The following PTPRM variants were observed in gnomAD, a reference collection of about 807,000 sequenced individuals.
PTPRM encodes receptor-type tyrosine-protein phosphatase mu.
Under a neutral mutation model 186.7 loss-of-function variants are expected in PTPRM, and 47 were observed. That is an observed-to-expected ratio of 0.25 (90% CI 0.20 to 0.32). PTPRM has a LOEUF of 0.32. PTPRM is among the 10% of genes least tolerant of loss of function. The pLI, the probability that PTPRM is intolerant of heterozygous loss-of-function variation, is 1.00. For synonymous variants in PTPRM, 668 were observed against 674.9 expected (o/e 0.99, Z 0.16); for missense variants, 1,494 against 1,865.0 (o/e 0.80, Z 3.66).
At chr18:7,676,123 C>T (rs2144527112) in intron 1 of PTPRM, among the ~76,000 whole-genome samples, 1 of 152,202 alleles carries the variant, frequency 6.6e-6, no homozygotes, top group Admixed American at 6.5e-5. Flanking sequence ...TCAGACTTGG[C>T]TCTTATTCTC....
intron 31 of PTPRM, among the ~76,000 whole-genome samples, chr18:8,394,204 C>A (rs2095834021): frequency 6.6e-6 from 1 of 152,232 alleles, no homozygotes; most frequent in South Asian, 2.1e-4. Flanking sequence ...CTACCATGGG[C>A]CCTTATCGAT....
At chr18:7,575,603 A>AGT in intron 1 of PTPRM, among the ~76,000 whole-genome samples, 1 of 152,320 alleles carries the variant, frequency 6.6e-6, no homozygotes, top group Admixed American at 6.5e-5. Flanking sequence ...ATCTACATGT[A>AGT]GTGGTAAAAC....
rs1477981898 is a variant in PTPRM, at chr18:8,123,962, G to C, written c.2167+9135G>C. 5.3e-5 allele frequency among the ~76,000 whole-genome samples: 8 copies of C among 152,148 alleles called. 1 individual carries two copies. Among genetic ancestry groups the C allele is most frequent in the Admixed American group, 5.2e-4 (8 of 15,268 alleles). On this transcript the variant is annotated intron_variant, in intron 13 of 32. Coordinates refer to ENST00000580170, the MANE Select transcript of PTPRM (RefSeq NM_001105244.2). ...CCACTAACTTCAGATGAAGCATGCT[G>C]TTTACTAGGAATGAAGTAAGCGAGG...
intron 1 of PTPRM, among the ~76,000 whole-genome samples, chr18:7,705,619 A>C (rs1160215702): frequency 6.6e-6 from 1 of 152,136 alleles, no homozygotes; most frequent in Non-Finnish European, 1.5e-5. Flanking sequence ...TGATAGACAG[A>C]ACCTGTCTGC....
intron 22 of PTPRM, among the ~76,000 whole-genome samples, chr18:8,335,759 C>T (rs950285774): frequency 2.0e-5 from 3 of 152,168 alleles, no homozygotes; most frequent in African/African-American, 7.2e-5. Flanking sequence ...TGGCAGCTCA[C>T]GCCTGTAATC....
At position 8,233,164 on chromosome 18, in the gene PTPRM, A is replaced by G. The variant is rs8097735; in HGVS notation, c.2301-10894A>G. The stretch of plus-strand genomic sequence containing the variant: ...CCAGTGGAATGCTGAGCTAGTCACA[A>G]TCCCTTTGCCGGCACACTACACACC... On this transcript the variant is annotated intron_variant, in intron 14 of 32. Coordinates refer to ENST00000580170, the MANE Select transcript of PTPRM (RefSeq NM_001105244.2). 9.1e-3 allele frequency among the ~76,000 whole-genome samples: 1,382 copies of G among 152,298 alleles called. 20 individuals carry two copies. The highest frequency in any genetic ancestry group is 0.031 in the African/African-American group (1,293 of 41,560).
chr18:7,883,704 G>T (rs1436063042), intron 2 of PTPRM, among the ~76,000 whole-genome samples: 1 of 152,216 alleles, frequency 6.6e-6, no homozygotes, highest in Admixed American at 6.5e-5. Flanking sequence ...GTAAGGGGAA[G>T]ATTAATTGAG....
chr18:7,607,420 C>G (rs56307509), intron 1 of PTPRM, among the ~76,000 whole-genome samples: 148,152 of 152,192 alleles, frequency 0.97, 72,129 homozygotes, highest in East Asian at 1. Flanking sequence ...TCCTCTCCTA[C>G]TTAAGGAGAG....
chr18:7,603,151 A>G (rs2037449178), intron 1 of PTPRM, among the ~76,000 whole-genome samples: 1 of 151,878 alleles, frequency 6.6e-6, no homozygotes, highest in Non-Finnish European at 1.5e-5. Flanking sequence ...GATGGTCTCG[A>G]TCTCCTGGCC....
intron 2 of PTPRM, among the ~76,000 whole-genome samples, chr18:7,854,857 T>C (rs1476732671): frequency 6.6e-6 from 1 of 152,034 alleles, no homozygotes; most frequent in Non-Finnish European, 1.5e-5. Flanking sequence ...TGCTTATTGC[T>C]TCATCCAGCC....
intron 1 of PTPRM, among the ~76,000 whole-genome samples, chr18:7,772,927 T>G (rs2042398161): frequency 6.6e-6 from 1 of 152,142 alleles, no homozygotes; most frequent in African/African-American, 2.4e-5. Flanking sequence ...TTCATAATAA[T>G]TAATAAGATC....
intron 14 of PTPRM, among the ~76,000 whole-genome samples, chr18:8,216,721 G>A (rs2094091408): frequency 6.6e-6 from 1 of 152,210 alleles, no homozygotes. Context: ...TTTCCATGGG[G>A]CATGCCTAGG....
intron 1 of PTPRM, among the ~76,000 whole-genome samples, chr18:7,665,217 A>G (rs904730957): frequency 3.9e-5 from 6 of 152,208 alleles, no homozygotes; most frequent in African/African-American, 1.2e-4. Flanking sequence ...CAACTTATGT[A>G]TTTCGATAGA....
intron 21 of PTPRM, among the ~76,000 whole-genome samples, chr18:8,316,564 G>A (rs1275627296): frequency 6.6e-6 from 1 of 152,156 alleles, no homozygotes; most frequent in Non-Finnish European, 1.5e-5. Context: ...AGATCTTATT[G>A]AGTACTTGTG....
intron 22 of PTPRM, among the ~76,000 whole-genome samples, chr18:8,333,511 G>A (rs2095422747): frequency 6.6e-6 from 1 of 152,112 alleles, no homozygotes; most frequent in African/African-American, 2.4e-5. Flanking sequence ...ATCACATAAA[G>A]CTTTATAATA....
chr18:7,791,382 G>A (rs2043337436), intron 2 of PTPRM, among the ~76,000 whole-genome samples: 1 of 152,146 alleles, frequency 6.6e-6, no homozygotes, highest in African/African-American at 2.4e-5. Flanking sequence ...GTAACACTGT[G>A]GACCTTTATT....
rs981762490 is a variant in PTPRM, at chr18:7,946,820, T to G, written c.664-2361T>G. 6.2e-5 allele frequency: 25 copies of G among 405,246 alleles called. No homozygotes were observed. The Admixed American group carries it at 7.1e-4, about 11-fold the overall frequency. 25.1% of individuals were successfully genotyped at this position (405,246 alleles called of 1,614,324 possible). A position where few individuals can be genotyped will look rare whatever the true frequency, so the allele number is the denominator to read the frequency against. On this transcript the variant is annotated intron_variant, in intron 5 of 32. Transcript: ENST00000580170. ...TGGAACTGTTCTTCCCCACTCGTGA[T>G]GTTTCCTTCCAAGTGGCAGGAACTG...
intron 13 of PTPRM, among the ~76,000 whole-genome samples, chr18:8,120,868 G>A (rs141649016): frequency 1.3e-3 from 191 of 152,160 alleles, no homozygotes; most frequent in Non-Finnish European, 1.6e-3. Flanking sequence ...CAGATAATGC[G>A]GAACTGCATA....
chr18:7,772,493 C>G (rs2042375165), intron 1 of PTPRM, among the ~76,000 whole-genome samples: 1 of 63,574 alleles, frequency 1.6e-5, no homozygotes, highest in East Asian at 1.5e-3. Flanking sequence ...TTCCTTCCTT[C>G]CTTCCTTCCT....
Sources: gnomAD v4.1 joint callset for allele counts (sites outside exome capture counted in the v4.1 genomes callset) on GRCh38, gnomAD v4.1.1 for gene constraint, MANE v1.5 for transcripts, NCBI Gene and HGNC (gene_info 2026-07-23, HGNC 2026-07-21) for gene names.